PCDH15: variants seen among roughly 807,000 people sequenced by gnomAD.
PCDH15 encodes protocadherin-15.
PCDH15 carries 129 observed loss-of-function variants against 178.5 expected under a neutral mutation model. The observed-to-expected ratio is 0.72, with a 90% CI of 0.63 to 0.84. The LOEUF (loss-of-function observed/expected upper bound fraction) is 0.84. PCDH15 is among the 40% of genes least tolerant of loss of function. The pLI is 0.00. For synonymous variants in PCDH15, 800 were observed against 732.0 expected, an observed-to-expected ratio of 1.09 and a Z score of -1.50; for missense variants, 2,230 against 2,099.9, an observed-to-expected ratio of 1.06 and a Z score of -1.21.
At chr10:54,548,638 A>G (rs866388025) in intron 2 of PCDH15, among the ~76,000 whole-genome samples, 3 of 58,420 alleles carry the variant, frequency 5.1e-5, no homozygotes, top group African/African-American at 1.1e-4. Flanking sequence ...ATATAAATAT[A>G]TAATACTTAT....
chr10:54,516,748 C>T (rs1221553653), intron 3 of PCDH15, among the ~76,000 whole-genome samples: 1 of 151,916 alleles, frequency 6.6e-6, no homozygotes, highest in Admixed American at 6.6e-5. Flanking sequence ...AACTCCAAGA[C>T]ACATAATTGT....
At chr10:54,576,479 A>G (rs1475935202) in intron 2 of PCDH15, among the ~76,000 whole-genome samples, 1 of 152,168 alleles carries the variant, frequency 6.6e-6, no homozygotes, top group African/African-American at 2.4e-5. Flanking sequence ...AAAGCCAAAC[A>G]CTGGTATGCT....
chr10:55,558,519 T>G (rs1340530328), intron 2 of PCDH15, among the ~76,000 whole-genome samples: 1 of 152,174 alleles, frequency 6.6e-6, no homozygotes, highest in Non-Finnish European at 1.5e-5. Context: ...TATATGAAAG[T>G]AATTCTCAGG....
intron 2 of PCDH15, chr10:54,600,809 G>A (rs184054079): frequency 2.4e-4 from 91 of 385,936 alleles, no homozygotes; most frequent in African/African-American, 1.8e-3. Context: ...TGTGCAATAT[G>A]AGGAGACTGC....
At chr10:54,540,087 A>T (rs1327820560) in intron 2 of PCDH15, among the ~76,000 whole-genome samples, 1 of 152,178 alleles carries the variant, frequency 6.6e-6, no homozygotes, top group African/African-American at 2.4e-5. Flanking sequence ...CCACATCTAG[A>T]GTAACTAGAA....
chr10:54,705,594 T>A (rs1432540854), intron 1 of PCDH15, among the ~76,000 whole-genome samples: 1 of 152,150 alleles, frequency 6.6e-6, no homozygotes, highest in Non-Finnish European at 1.5e-5. Flanking sequence ...GTTTATGACA[T>A]AAGTGACCAT....
intron 5 of PCDH15, among the ~76,000 whole-genome samples, chr10:54,362,953 C>T (rs182411492): frequency 2.0e-5 from 3 of 152,072 alleles, no homozygotes; most frequent in South Asian, 4.2e-4. Flanking sequence ...AGGTTATACT[C>T]GTTTCTTTAA....
At chr10:55,081,942 TAA>T in intron 2 of PCDH15, among the ~76,000 whole-genome samples, 1 of 152,060 alleles carries the variant, frequency 6.6e-6, no homozygotes, top group South Asian at 2.1e-4. Flanking sequence ...TTATTAGAGC[TAA>T]AGAGAGAGGC....
intron 2 of PCDH15, among the ~76,000 whole-genome samples, chr10:55,382,352 C>T (rs1371747151): frequency 1.3e-5 from 2 of 152,018 alleles, no homozygotes; most frequent in African/African-American, 4.8e-5. Flanking sequence ...GAAAATTAAC[C>T]TGATGAAACT....
At chr10:55,270,697 A>T (rs569099728) in intron 1 of PCDH15, among the ~76,000 whole-genome samples, 1 of 152,318 alleles carries the variant, frequency 6.6e-6, no homozygotes, top group Non-Finnish European at 1.5e-5. Context: ...GTTGGTGAGA[A>T]TGCAAGTTTG....
chr10:54,529,179 T>A (rs955845114), intron 2 of PCDH15, among the ~76,000 whole-genome samples: 6 of 91,824 alleles, frequency 6.5e-5, no homozygotes, highest in African/African-American at 2.6e-4. Context: ...CGCTCTCATA[T>A]GAAGCAAAGA....
intron 2 of PCDH15, among the ~76,000 whole-genome samples, chr10:55,121,469 CTT>C (rs1456400232): frequency 6.6e-6 from 1 of 151,876 alleles, no homozygotes; most frequent in African/African-American, 2.4e-5. Flanking sequence ...TGAGTTAAGA[CTT>C]TTAGGGCTAT....
At chr10:55,351,067 G>GCCT (rs1360816492) in intron 2 of PCDH15, among the ~76,000 whole-genome samples, 18 of 113,876 alleles carry the variant, frequency 1.6e-4, no homozygotes, top group Admixed American at 3.5e-4. Flanking sequence ...CCCCGCTGCT[G>GCCT]CCTCCTCCTC....
At chr10:54,794,613 G>A (rs1025988523) in intron 1 of PCDH15, among the ~76,000 whole-genome samples, 2 of 151,746 alleles carry the variant, frequency 1.3e-5, no homozygotes, top group Admixed American at 6.6e-5. Context: ...TTAAATGAAG[G>A]GCTTCATGCA....
At chr10:55,082,653 CT>C (rs1358670811) in intron 2 of PCDH15, among the ~76,000 whole-genome samples, 1 of 146,700 alleles carries the variant, frequency 6.8e-6, no homozygotes, top group Non-Finnish European at 1.5e-5. Context: ...ATTGACAAAT[CT>C]TGAATTAAAC....
At chr10:55,200,982 T>C (rs564025740) in intron 1 of PCDH15, among the ~76,000 whole-genome samples, 2 of 152,096 alleles carry the variant, frequency 1.3e-5, no homozygotes, top group South Asian at 2.1e-4. Context: ...TAATTCCTTA[T>C]AGCAACATGA....
chr10:54,037,555 TA>T (rs34924746), intron 18 of PCDH15, among the ~76,000 whole-genome samples: 90,692 of 151,680 alleles, frequency 0.6, 29,801 homozygotes, highest in Middle Eastern at 0.76. Flanking sequence ...GACACAATGC[TA>T]ATTGCAGTAT....
chr10:55,346,469 G>A (rs1396632412), intron 2 of PCDH15, among the ~76,000 whole-genome samples: 1 of 151,926 alleles, frequency 6.6e-6, no homozygotes, highest in Non-Finnish European at 1.5e-5. Context: ...TTTTAATTTG[G>A]GGTTTATATG....
At chr10:55,450,840 C>A (rs1461916414) in intron 2 of PCDH15, among the ~76,000 whole-genome samples, 1 of 151,772 alleles carries the variant, frequency 6.6e-6, no homozygotes. Flanking sequence ...TCTCCCATAT[C>A]ACCTATCACC....
Sources: allele counts gnomAD v4.1 joint callset (sites outside exome capture counted in the v4.1 genomes callset), GRCh38; gene constraint gnomAD v4.1.1; transcripts MANE v1.5; gene names NCBI Gene and HGNC (gene_info 2026-07-23, HGNC 2026-07-21).